CACNA2D2: variants seen among roughly 807,000 people sequenced by gnomAD.
CACNA2D2 encodes calcium voltage-gated channel auxiliary subunit alpha2delta 2, also known as voltage-dependent calcium channel subunit alpha-2/delta-2.
In CACNA2D2, 48 loss-of-function variants were observed where a neutral mutation model predicts 166.4. That is an observed-to-expected ratio of 0.29 (90% CI 0.23 to 0.37). The LOEUF (loss-of-function observed/expected upper bound fraction) is 0.37, where lower values mean the gene tolerates loss of function less well. CACNA2D2 is among the 10% of genes least tolerant of loss of function. The pLI is 1.00. For synonymous variants in CACNA2D2, 561 were observed against 573.7 expected (o/e 0.98, Z 0.32); for missense variants, 1,122 against 1,433.0 (o/e 0.78, Z 3.50).
chr3:50,431,394 A>T (rs1708055560), intron 3 of CACNA2D2, among the ~76,000 whole-genome samples: 1 of 152,082 alleles, frequency 6.6e-6, no homozygotes, highest in African/African-American at 2.4e-5. Flanking sequence ...CAGCAGGAGG[A>T]GTTCACTGCC....
intron 3 of CACNA2D2, among the ~76,000 whole-genome samples, chr3:50,404,388 T>C (rs1229801119): frequency 1.3e-5 from 2 of 152,140 alleles, no homozygotes; most frequent in Non-Finnish European, 2.9e-5. Context: ...GCCAGGTCAG[T>C]AATAACATGG....
chr3:50,395,373 C>A (rs1706100463), intron 3 of CACNA2D2, among the ~76,000 whole-genome samples: 1 of 152,132 alleles, frequency 6.6e-6, no homozygotes, highest in Non-Finnish European at 1.5e-5. Flanking sequence ...CTCACCAATG[C>A]ATTTGTCTTG....
intron 2 of CACNA2D2, among the ~76,000 whole-genome samples, chr3:50,468,828 T>TA (rs1242379694): frequency 4.1e-5 from 5 of 122,068 alleles, no homozygotes; most frequent in African/African-American, 1.9e-4. Context: ...CCCTTCTCTC[T>TA]CTTTTTTTTT....
At chr3:50,392,221 C>G (rs1469202214) in intron 4 of CACNA2D2, among the ~76,000 whole-genome samples, 1 of 152,220 alleles carries the variant, frequency 6.6e-6, no homozygotes, top group East Asian at 1.9e-4. Context: ...CCTCCCCTGG[C>G]ATGGACAGTC....
chr3:50,463,086 T>C (rs1249043037), intron 2 of CACNA2D2, among the ~76,000 whole-genome samples: 2 of 152,092 alleles, frequency 1.3e-5, no homozygotes, highest in African/African-American at 4.8e-5. Context: ...AGTTTGAGAT[T>C]TCAATTCCCT....
rs758534939 is a variant in CACNA2D2 at position 50,378,871 on chromosome 3, G to A, written c.1339+44C>T. On this transcript the variant is annotated intron_variant, in intron 13 of 37. Transcript: ENST00000424201. ...GTTGAACATACGCAATCGACAAAAA[G>A]AAATGGCAGGCAGGCCCCTGACAGT... 2.5e-6 allele frequency: 4 copies of A among 1,609,766 alleles called. No homozygotes were observed. In the East Asian group the frequency reaches 6.7e-5, roughly 27 times the overall value.
chr3:50,501,754 C>T (rs73835516), intron 1 of CACNA2D2, among the ~76,000 whole-genome samples: 2 of 151,958 alleles, frequency 1.3e-5, no homozygotes, highest in African/African-American at 2.4e-5. Context: ...GAAAGAACAA[C>T]AAAAAAATAA....
chr3:50,466,879 C>T (rs1709848053), intron 2 of CACNA2D2, among the ~76,000 whole-genome samples: 1 of 152,210 alleles, frequency 6.6e-6, no homozygotes, highest in Admixed American at 6.5e-5. Flanking sequence ...CTGTCTGTAC[C>T]CGAAAGATGC....
chr3:50,373,275 G>A lies in CACNA2D2; in HGVS notation c.1984+1462C>T, dbSNP rs587692317. 2.0e-5 allele frequency among the ~76,000 whole-genome samples: 3 copies of A among 151,316 alleles called. No individual in the cohort carries two copies. In the South Asian group the frequency reaches 6.3e-4, roughly 32 times the overall value. ...TGCAAAAAACGACATGAGAGAGAAA[G>A]AGAGAGCAAGAAAACTCAAAGGAGA... On this transcript the variant is annotated intron_variant, in intron 22 of 37. Coordinates refer to ENST00000424201, the MANE Select transcript of CACNA2D2 (RefSeq NM_006030.4).
chr3:50,402,388 G>A (rs1476190373), intron 3 of CACNA2D2, among the ~76,000 whole-genome samples: 9 of 152,232 alleles, frequency 5.9e-5, no homozygotes, highest in African/African-American at 1.9e-4. Flanking sequence ...GGACAACCAC[G>A]TGCTGCAGGA....
chr3:50,413,033 T>C (rs915074761), intron 3 of CACNA2D2, among the ~76,000 whole-genome samples: 11 of 152,262 alleles, frequency 7.2e-5, no homozygotes, highest in Non-Finnish European at 1.2e-4. Context: ...CCCCACCTTG[T>C]GCTCTGCTGG....
At chr3:50,465,775 T>C (rs1466062920) in intron 2 of CACNA2D2, among the ~76,000 whole-genome samples, 1 of 152,118 alleles carries the variant, frequency 6.6e-6, no homozygotes, top group Non-Finnish European at 1.5e-5. Flanking sequence ...GACAAGCATC[T>C]AGGGGTTGTA....
chr3:50,464,652 G>A (rs1709748229), intron 2 of CACNA2D2, among the ~76,000 whole-genome samples: 1 of 152,200 alleles, frequency 6.6e-6, no homozygotes, highest in Non-Finnish European at 1.5e-5. Flanking sequence ...TTGATGCAGA[G>A]GATGAGTTTT....
At chr3:50,460,743 A>C (rs919087777) in intron 2 of CACNA2D2, among the ~76,000 whole-genome samples, 34 of 151,914 alleles carry the variant, frequency 2.2e-4, no homozygotes, top group Admixed American at 2.0e-4. Context: ...AGTCCCAGCT[A>C]CTCGGGGGGC....
At position 50,466,856 on chromosome 3, in the gene CACNA2D2, C is replaced by T. The variant is rs563136623; in HGVS notation, c.288+9262G>A. Among the ~76,000 whole-genome samples, 3 of 152,360 alleles carry T rather than the reference C, an allele frequency of 2.0e-5. No individual in the cohort carries two copies. The South Asian group carries it at 6.2e-4, about 32-fold the overall frequency. ...GATTGGGCCTGCCAGAGATTCCTGA[C>T]AACCCCCATCTTCTGTCTGTACCCG... On this transcript the variant is annotated intron_variant, in intron 2 of 37. Coordinates refer to ENST00000424201, the MANE Select transcript of CACNA2D2 (RefSeq NM_006030.4).
chr3:50,434,472 CGTCCTCATG>C, intron 2 of CACNA2D2, 43 bp from the exon 3 acceptor site: 1 of 1,416,844 alleles, frequency 7.1e-7, no homozygotes, highest in Non-Finnish European at 1.0e-6. Context: ...GGTGGTCCCA[CGTCCTCATG>C]CCATGGGCCC....
intron 1 of CACNA2D2, 47 bp downstream of exon 1, chr3:50,503,171 G>A (rs1375812682): frequency 8.9e-7 from 1 of 1,117,452 alleles, no homozygotes; most frequent in Non-Finnish European, 1.1e-6. Flanking sequence ...GGGCAGAGCG[G>A]GGCGCAAGGC....
chr3:50,451,449 C>T (rs984444356), intron 2 of CACNA2D2, among the ~76,000 whole-genome samples: 1 of 152,140 alleles, frequency 6.6e-6, no homozygotes, highest in Non-Finnish European at 1.5e-5. Flanking sequence ...AAGGCCCCTC[C>T]CCAGGCTGCC....
At position 50,362,901 on chromosome 3, in the gene CACNA2D2, C is replaced by A. The variant is rs1423763742; in HGVS notation, c.*1765G>T. ...ACACACACGATATTTTACAAAGTTT[C>A]TTGACTTTTTTGTCGCTGTTGTTTT... On this transcript the variant is annotated 3_prime_UTR_variant, in exon 38 of 38. Coordinates refer to ENST00000424201, the MANE Select transcript of CACNA2D2 (RefSeq NM_006030.4). The A allele has an allele frequency of 2.6e-6, 1 of 390,860 alleles. No homozygotes were observed. The highest frequency in any genetic ancestry group is 3.6e-5 in the East Asian group (1 of 27,552). The allele number at this position is 390,860 out of a possible 1,614,324, so 24.2% of individuals were successfully genotyped here. A position where few individuals can be genotyped will look rare whatever the true frequency, so the allele number is the denominator to read the frequency against.
Sources: gnomAD v4.1 joint callset for allele counts (sites outside exome capture counted in the v4.1 genomes callset) on GRCh38, gnomAD v4.1.1 for gene constraint, MANE v1.5 for transcripts, NCBI Gene and HGNC (gene_info 2026-07-23, HGNC 2026-07-21) for gene names.